Variants in SLC14A2 observed in about 807,000 individuals in gnomAD.
The protein encoded by SLC14A2 is solute carrier family 14 member 2, also known as urea transporter 2.
A neutral mutation model predicts 104.6 loss-of-function variants in SLC14A2; 91 were observed. The ratio of observed to expected loss-of-function variants is 0.87; its 90% CI spans 0.73 to 1.04. SLC14A2 has a LOEUF of 1.04. Among genes scored for constraint, SLC14A2 ranks in the 50% least tolerant of loss-of-function variants. The pLI is 0.00. For synonymous variants in SLC14A2, 476 were observed against 466.4 expected, an observed-to-expected ratio of 1.02 and a Z score of -0.27; for missense variants, 1,189 against 1,156.0, an observed-to-expected ratio of 1.03 and a Z score of -0.41.
At chr18:45,606,111 C>T (rs1007621329) in intron 2 of SLC14A2, among the ~76,000 whole-genome samples, 9 of 152,064 alleles carry the variant, frequency 5.9e-5, no homozygotes, top group Non-Finnish European at 1.3e-4. Flanking sequence ...GAAGGAGAAA[C>T]AGCCCCTTTT....
chr18:45,295,554 T>C (rs2144177510), intron 1 of SLC14A2, among the ~76,000 whole-genome samples: 1 of 152,296 alleles, frequency 6.6e-6, no homozygotes, highest in Non-Finnish European at 1.5e-5. Flanking sequence ...ATGTGTTTCC[T>C]TAGAAGAGGT....
chr18:45,422,810 C>A (rs1381012085), intron 1 of SLC14A2, among the ~76,000 whole-genome samples: 1 of 152,194 alleles, frequency 6.6e-6, no homozygotes, highest in Non-Finnish European at 1.5e-5. Flanking sequence ...TCCTCATCTC[C>A]TTCTTGTCCT....
the SLC14A2 span, among the ~76,000 whole-genome samples, chr18:45,177,689 A>C: frequency 6.6e-6 from 1 of 152,160 alleles, no homozygotes; most frequent in Non-Finnish European, 1.5e-5. Context: ...CACAATATAC[A>C]ATAATTCACA....
intron 2 of SLC14A2, among the ~76,000 whole-genome samples, chr18:45,589,536 T>C (rs1797330196): frequency 1.3e-5 from 2 of 152,292 alleles, no homozygotes; most frequent in South Asian, 4.2e-4. Context: ...CACTCCCCTT[T>C]TTTTATTTGG....
intron 1 of SLC14A2, among the ~76,000 whole-genome samples, chr18:45,294,383 A>G (rs2084900335): frequency 6.6e-6 from 1 of 152,112 alleles, no homozygotes; most frequent in South Asian, 2.1e-4. Context: ...TCCTTTGTCA[A>G]TTTAAGGTGT....
chr18:45,291,952 T>C (rs1365725132), intron 1 of SLC14A2, among the ~76,000 whole-genome samples: 1 of 152,184 alleles, frequency 6.6e-6, no homozygotes, highest in Non-Finnish European at 1.5e-5. Flanking sequence ...TTGGCATGTG[T>C]GGTGTTTTTA....
chr18:45,661,228 C>T (rs918143028), intron 10 of SLC14A2, among the ~76,000 whole-genome samples: 1 of 152,216 alleles, frequency 6.6e-6, no homozygotes, highest in African/African-American at 2.4e-5. Context: ...GCACTCTCCA[C>T]CTGTGTTACT....
At chr18:45,291,402 C>T (rs1009865931) in intron 1 of SLC14A2, among the ~76,000 whole-genome samples, 5 of 152,138 alleles carry the variant, frequency 3.3e-5, no homozygotes, top group African/African-American at 1.2e-4. Context: ...GGGAACAGAA[C>T]ATGCCTGCAG....
intron 1 of SLC14A2, among the ~76,000 whole-genome samples, chr18:45,412,069 T>C (rs556832418): frequency 1.3e-3 from 197 of 152,286 alleles, no homozygotes; most frequent in African/African-American, 4.5e-3. Flanking sequence ...CATATGCCCC[T>C]AAAAGCAGGA....
At chr18:45,331,427 C>T (rs1403193377) in intron 1 of SLC14A2, among the ~76,000 whole-genome samples, 1 of 152,158 alleles carries the variant, frequency 6.6e-6, no homozygotes, top group Non-Finnish European at 1.5e-5. Flanking sequence ...TGTGGTGGCT[C>T]ACGCCTGTAA....
In SLC14A2 at chr18:45,639,113, G is replaced by T. The variant is rs369090570; in HGVS notation, c.844-633G>T. Among the ~76,000 whole-genome samples, 144 of 152,288 alleles carry T rather than the reference G, an allele frequency of 9.5e-4. 1 individual carries two copies. Among genetic ancestry groups the T allele is most frequent in the Non-Finnish European group, 8.2e-4 (56 of 68,028 alleles). ...ATACTACCTTTCTACAATGCTATGC[G>T]GTCTTCGAGAGCAGGGGGCATGCCT... On this transcript the variant is annotated intron_variant, in intron 6 of 19. Coordinates refer to ENST00000255226, the MANE Select transcript of SLC14A2 (RefSeq NM_007163.4).
chr18:45,205,407 C>T, the SLC14A2 span, among the ~76,000 whole-genome samples: 1 of 152,208 alleles, frequency 6.6e-6, no homozygotes, highest in South Asian at 2.1e-4. Context: ...CTGTAAGTTG[C>T]AAAACATTTT....
chr18:45,175,964 T>C, the SLC14A2 span, among the ~76,000 whole-genome samples: 61 of 152,284 alleles, frequency 4.0e-4, no homozygotes, highest in African/African-American at 1.4e-3. Flanking sequence ...CATACGACAA[T>C]TCTCTGGCTA....
the SLC14A2 span, among the ~76,000 whole-genome samples, chr18:45,193,568 A>G: frequency 6.6e-6 from 1 of 152,166 alleles, no homozygotes; most frequent in Admixed American, 6.5e-5. Context: ...GTTCATTGAT[A>G]TATTTGTCTA....
chr18:45,356,909 G>C (rs1246001779), intron 1 of SLC14A2, among the ~76,000 whole-genome samples: 1 of 152,196 alleles, frequency 6.6e-6, no homozygotes, highest in Non-Finnish European at 1.5e-5. Context: ...AGAATCAAGA[G>C]CCTGGGAACC....
At chr18:45,672,422 G>A (rs547949494) in intron 16 of SLC14A2, among the ~76,000 whole-genome samples, 108 of 152,072 alleles carry the variant, frequency 7.1e-4, no homozygotes, top group Non-Finnish European at 1.3e-3. Context: ...CCAGCTACTC[G>A]GGAGGCTGAG....
intron 1 of SLC14A2, among the ~76,000 whole-genome samples, chr18:45,282,700 C>T (rs973863316): frequency 1.2e-4 from 19 of 152,064 alleles, no homozygotes; most frequent in South Asian, 4.1e-4. Flanking sequence ...GATGGGATTT[C>T]GAAATACAGC....
At chr18:45,368,286 C>A (rs1394747686) in intron 1 of SLC14A2, among the ~76,000 whole-genome samples, 3 of 152,086 alleles carry the variant, frequency 2.0e-5, no homozygotes, top group Non-Finnish European at 4.4e-5. Context: ...TGTTGAGTTT[C>A]ATGATATTAG....
the SLC14A2 span, among the ~76,000 whole-genome samples, chr18:45,175,976 T>C: frequency 6.6e-6 from 1 of 152,180 alleles, no homozygotes; most frequent in African/African-American, 2.4e-5. Context: ...CTCTGGCTAA[T>C]AACCTTCTAT....
Sources: gnomAD v4.1 joint callset for allele counts (sites outside exome capture counted in the v4.1 genomes callset) on GRCh38, gnomAD v4.1.1 for gene constraint, MANE v1.5 for transcripts, NCBI Gene and HGNC (gene_info 2026-07-23, HGNC 2026-07-21) for gene names.